KRIT1: variants seen among roughly 807,000 people sequenced by gnomAD.
KRIT1 encodes the protein krev interaction trapped protein 1.
A neutral mutation model predicts 95.8 loss-of-function variants in KRIT1; 45 were observed. The observed-to-expected ratio is 0.47, with a 90% CI of 0.37 to 0.60. The LOEUF (loss-of-function observed/expected upper bound fraction) is 0.60, where lower values mean the gene tolerates loss of function less well. Among genes scored for constraint, KRIT1 ranks in the 20% least tolerant of loss-of-function variants. KRIT1 has a pLI of 0.00. For missense variants in KRIT1, 788 were observed against 877.5 expected (o/e 0.90, Z 1.29); for synonymous variants, 282 against 278.8 (o/e 1.01, Z -0.11).
intron 17 of KRIT1, among the ~76,000 whole-genome samples, chr7:92,205,024 A>G (rs1311345350): frequency 6.6e-6 from 1 of 152,196 alleles, no homozygotes; most frequent in Non-Finnish European, 1.5e-5. Context: ...GGGATATTTC[A>G]GGAGTTATGT....
At chr7:92,225,611 C>A in intron 12 of KRIT1, 109 bp downstream of exon 12, 2 of 725,058 alleles carry the variant, frequency 2.8e-6, no homozygotes, top group Non-Finnish European at 5.0e-6. Context: ...GGTTTTATAG[C>A]AGTAAAGAAG....
intron 14 of KRIT1, among the ~76,000 whole-genome samples, chr7:92,218,526 G>A (rs1447135567): frequency 6.6e-6 from 1 of 151,794 alleles, no homozygotes; most frequent in Non-Finnish European, 1.5e-5. Context: ...TACACAGTGT[G>A]TGCCACCATG....
chr7:92,225,621 G>A lies in KRIT1; in HGVS notation c.1254+99C>T. 2.4e-5 allele frequency: 18 copies of A among 750,790 alleles called. No individual in the cohort carries two copies. In the Middle Eastern group the frequency reaches 5.4e-3, roughly 225 times the overall value. The allele number at this position is 750,790 out of a possible 1,614,324, so 46.5% of individuals were successfully genotyped here. On this transcript the variant is annotated intron_variant, in intron 12 of 18. Coordinates refer to ENST00000394505, the MANE Select transcript of KRIT1 (RefSeq NM_194454.3). ...AATGAGGTTTTATAGCAGTAAAGAA[G>A]CCATCTAATCGTCTTTCCACTCTTG...
chr7:92,215,359 C>A (rs1793736688), intron 14 of KRIT1, among the ~76,000 whole-genome samples: 1 of 152,164 alleles, frequency 6.6e-6, no homozygotes, highest in Admixed American at 6.5e-5. Context: ...AAGGAAGTAT[C>A]TTAATTTCCA....
intron 10 of KRIT1, among the ~76,000 whole-genome samples, chr7:92,228,028 G>A (rs867192606): frequency 1.8e-4 from 27 of 151,974 alleles, no homozygotes; most frequent in Middle Eastern, 3.4e-3. Flanking sequence ...GGGTTGCGGC[G>A]GGGAGGTGGG....
In KRIT1 at chr7:92,235,535, T is replaced by C; in HGVS notation, c.597A>G (p.Ser199=). Residue 199 remains serine (S), a synonymous_variant, in exon 8 of 19, where the codon TCA becomes TCG. Coordinates refer to ENST00000394505, the MANE Select transcript of KRIT1 (RefSeq NM_194454.3). ...NVINPAYATE[S]GQTENSLHMG... is the part of the protein sequence containing the mutation. The stretch of plus-strand genomic sequence containing the variant: ...TATGTAGTGAGTTTTCTGTCTGACC[T>C]GATTCAGTAGCATATGCAGGATTTA... The C allele has an allele frequency of 6.2e-7, 1 of 1,613,970 alleles. No individual in the cohort carries two copies. Among genetic ancestry groups the C allele is most frequent in the Non-Finnish European group, 8.5e-7 (1 of 1,179,876 alleles).
Position 92,226,641 on chromosome 7 carries a change from C to T in KRIT1, c.1031G>A (p.Gly344Glu). The T allele has an allele frequency of 6.2e-7, 1 of 1,613,502 alleles. No homozygotes were observed. The highest frequency in any genetic ancestry group is 1.1e-5 in the South Asian group (1 of 91,050). Reference protein sequence around the residue: ...VEATRILLEKGKCNPNLLNGQ... With the variant: ...VEATRILLEKEKCNPNLLNGQ... ...ATTTAAAAGGTTTGGATTGCACTTT[C>T]CTTTCTCTAACAATATGCGAGTGGC... The change falls in exon 11 of 19, where the codon GGA (glycine) becomes GAA (glutamate). Residue 344 changes from glycine (G) to glutamate (E), a missense_variant. By Grantham distance (98) the Gly-to-Glu change is moderately conservative (BLOSUM62 -2). This residue lies in a region of KRIT1 where 493 missense variants were observed against 582.3 expected (regional missense o/e 0.85). Transcript: ENST00000394505.
In KRIT1 at chr7:92,226,660, G is replaced by T. The variant is rs376805857; in HGVS notation, c.1012C>A (p.Arg338Ser). 3.1e-6 allele frequency: 5 copies of T among 1,613,082 alleles called. No homozygotes were observed. The Admixed American group carries it at 8.3e-5, about 27-fold the overall frequency. The change falls in exon 11 of 19, where the codon CGC becomes AGC. Residue 338 changes from arginine (R) to serine (S), a missense_variant. This residue lies in a region of KRIT1 where 493 missense variants were observed against 582.3 expected (regional missense o/e 0.85). Transcript: ENST00000394505. ...CACTTTCCTTTCTCTAACAATATGC[G>T]AGTGGCCTCAACTTTTCCATACCTG... ...ACWYGKVEAT[R>S]ILLEKGKCNP... is the part of the protein sequence containing the mutation.
intron 10 of KRIT1, among the ~76,000 whole-genome samples, chr7:92,231,253 A>G (rs1461793219): frequency 6.6e-6 from 1 of 152,194 alleles, no homozygotes; most frequent in African/African-American, 2.4e-5. Flanking sequence ...TAGAAAGTAA[A>G]GAATGGTTTT....
intron 10 of KRIT1, among the ~76,000 whole-genome samples, chr7:92,233,505 C>G (rs1449235527): frequency 1.3e-5 from 2 of 150,924 alleles, no homozygotes; most frequent in East Asian, 3.9e-4. Context: ...CTCCCTGGTT[C>G]AAGCTATTCT....
intron 17 of KRIT1, among the ~76,000 whole-genome samples, chr7:92,212,373 T>C (rs1244858333): frequency 1.3e-5 from 2 of 152,206 alleles, no homozygotes; most frequent in Non-Finnish European, 2.9e-5. Context: ...CAAAATGGCA[T>C]TGTTATGGAC....
rs560870062 is a variant in KRIT1 at position 92,239,855 on chromosome 7, C to T, written c.262+1138G>A. ...CCTCCTGAGTAGCTGGGACTATAGG[C>T]GTGTACCACCACACCGGGCTAATTT... On this transcript the variant is annotated intron_variant, in intron 5 of 18. Transcript: ENST00000394505. 4.4e-3 allele frequency among the ~76,000 whole-genome samples: 666 copies of T among 151,944 alleles called. 1 individual carries two copies. Among genetic ancestry groups the T allele is most frequent in the Non-Finnish European group, 7.6e-3 (518 of 67,950 alleles).
In KRIT1 at chr7:92,226,572, T is replaced by A; in HGVS notation, c.1100A>T (p.His367Leu). 1 of 1,613,104 alleles carries A rather than the reference T, an allele frequency of 6.2e-7. No homozygotes were observed. The highest frequency in any genetic ancestry group is 8.5e-7 in the Non-Finnish European group (1 of 1,179,124). The change falls in exon 11 of 19, where the codon CAT becomes CTT. Residue 367 changes from histidine to leucine, a missense_variant. His to Leu is a moderately conservative substitution (Grantham distance 99). Around this residue, in one of 3 missense-constraint regions of KRIT1, gnomAD observed 493 missense variants for 582.3 expected, o/e 0.85. Transcript: ENST00000394505. Reference protein sequence around the residue: ...SPLHFAAGGGHAEIVQILLNH... With the variant: ...SPLHFAAGGGLAEIVQILLNH... ...TAGGAGAATCTGTACTATTTCAGCATGTCCTCCTCCAGCAGCAAAATGAAG... is the reference window on the plus strand; with the variant it reads ...TAGGAGAATCTGTACTATTTCAGCAAGTCCTCCTCCAGCAGCAAAATGAAG...
intron 16 of KRIT1, 21 bp downstream of exon 16, chr7:92,213,871 C>A: frequency 7.0e-7 from 1 of 1,432,836 alleles, no homozygotes; most frequent in South Asian, 1.1e-5. Flanking sequence ...AATGTCTTTT[C>A]ATTTCTATTA....
chr7:92,201,418 T>C lies in KRIT1; in HGVS notation c.2031A>G (p.Leu677=). The change falls in exon 18 of 19, where the codon TTA becomes TTG. Residue 677 remains leucine, a synonymous_variant. Coordinates refer to ENST00000394505, the MANE Select transcript of KRIT1 (RefSeq NM_194454.3). ...LHLLNMETKA[L]LISLKYGCFM... ...AACAACCATACTTAAGACTGATGAG[T>C]AAAGCCTGCAACATAATTGGAAACA... 1 of 1,461,510 alleles carries C rather than the reference T, an allele frequency of 6.8e-7. No individual in the cohort carries two copies. Among genetic ancestry groups the C allele is most frequent in the Non-Finnish European group, 9.6e-7 (1 of 1,041,154 alleles). The allele number at this position is 1,461,510 out of a possible 1,614,324, so 90.5% of individuals were successfully genotyped here.
chr7:92,234,908 T>C lies in KRIT1; in HGVS notation c.745A>G (p.Ile249Val). 6.6e-7 allele frequency: 1 copy of C among 1,519,592 alleles called. No homozygotes were observed. Among genetic ancestry groups the C allele is most frequent in the Non-Finnish European group, 9.1e-7 (1 of 1,093,996 alleles). The allele number at this position is 1,519,592 out of a possible 1,614,324, so 94.1% of individuals were successfully genotyped here. Residue 249 changes from isoleucine (I) to valine (V), a missense_variant, in exon 9 of 19, where the codon ATA (isoleucine) becomes GTA (valine). Ile to Val is a conservative substitution (Grantham distance 29). Coordinates refer to ENST00000394505, the MANE Select transcript of KRIT1 (RefSeq NM_194454.3). ...QYTNRVDKVVINPYFGLGAPD... is the reference protein window; with the variant it reads ...QYTNRVDKVVVNPYFGLGAPD... ...GCTCCTAGACCAAAGTATGGATTTA[T>C]TACCACTTTATCTACCTAGAAAGGG...
At chr7:92,209,689 ACTGATG>A (rs1792348860) in intron 17 of KRIT1, among the ~76,000 whole-genome samples, 1 of 152,176 alleles carries the variant, frequency 6.6e-6, no homozygotes, top group Admixed American at 6.5e-5. Context: ...ACTACAAAAC[ACTGATG>A]CAAGAAATTC....
chr7:92,202,872 G>C (rs1056560648), intron 17 of KRIT1, among the ~76,000 whole-genome samples: 1 of 152,010 alleles, frequency 6.6e-6, no homozygotes, highest in Admixed American at 6.6e-5. Flanking sequence ...CTTATACATA[G>C]GAGGATATAC....
intron 12 of KRIT1, 94 bp from the exon 13 acceptor site, chr7:92,223,072 G>C: frequency 2.6e-6 from 2 of 781,972 alleles, no homozygotes; most frequent in South Asian, 1.5e-5. Context: ...CTTTATTATA[G>C]ATTTCTAACA....
Sources: gnomAD v4.1 joint callset for allele counts (sites outside exome capture counted in the v4.1 genomes callset) on GRCh38, gnomAD v4.1.1 for gene constraint, gnomAD v4.1.1 regional missense constraint, MANE v1.5 for transcripts, NCBI Gene and HGNC (gene_info 2026-07-23, HGNC 2026-07-21) for gene names.